CALN1: variants seen among roughly 807,000 people sequenced by gnomAD.
CALN1 encodes calcium-binding protein 8.
A neutral mutation model predicts 30.6 loss-of-function variants in CALN1; 17 were observed. The observed-to-expected ratio is 0.56, with a 90% CI of 0.38 to 0.83. The LOEUF is 0.83. Ranked by LOEUF, CALN1 falls within the 40% of genes least tolerant of loss-of-function variation. CALN1 has a pLI of 0.00. For missense variants in CALN1, 291 were observed against 354.9 expected (o/e 0.82, Z 1.45); for synonymous variants, 156 against 131.4 (o/e 1.19, Z -1.28).
At chr7:72,282,650 T>A (rs929995654) in intron 2 of CALN1, among the ~76,000 whole-genome samples, 1 of 152,216 alleles carries the variant, frequency 6.6e-6, no homozygotes. Context: ...GGTGTCTCGA[T>A]CTTGGACTTC....
chr7:71,882,868 G>C (rs984368819), intron 5 of CALN1, among the ~76,000 whole-genome samples: 4 of 150,546 alleles, frequency 2.7e-5, no homozygotes, highest in African/African-American at 9.7e-5. Flanking sequence ...GTGTGTGTGT[G>C]TGTGTGTGTG....
At chr7:71,837,317 A>G (rs1002549736) in intron 5 of CALN1, among the ~76,000 whole-genome samples, 1 of 151,786 alleles carries the variant, frequency 6.6e-6, no homozygotes, top group African/African-American at 2.4e-5. Flanking sequence ...ACCAGGTAAC[A>G]TAATTTAATA....
At chr7:72,211,753 C>T (rs746017739) in intron 3 of CALN1, among the ~76,000 whole-genome samples, 9 of 152,088 alleles carry the variant, frequency 5.9e-5, no homozygotes, top group Admixed American at 3.9e-4. Flanking sequence ...TCTAACTTGC[C>T]GGCAGATGAG....
At chr7:72,496,385 C>A in the CALN1 span, among the ~76,000 whole-genome samples, 11 of 150,860 alleles carry the variant, frequency 7.3e-5, no homozygotes, top group African/African-American at 2.2e-4. Context: ...TCAGAAAAAA[C>A]CATCTGTTGA....
At chr7:72,394,556 A>T (rs1252651660) in intron 2 of CALN1, among the ~76,000 whole-genome samples, 1 of 152,176 alleles carries the variant, frequency 6.6e-6, no homozygotes, top group Non-Finnish European at 1.5e-5. Flanking sequence ...AGTGAAAAAA[A>T]AGTTGCATAG....
chr7:72,368,398 G>A lies in CALN1; in HGVS notation c.119+34853C>T, dbSNP rs180808102. ...ACATAAGATGGCAGGAAGGATGTCGGCAGAAATATTAATATTGGTGCCACA... is the reference window on the plus strand; with the variant it reads ...ACATAAGATGGCAGGAAGGATGTCGACAGAAATATTAATATTGGTGCCACA... On this transcript the variant is annotated intron_variant, in intron 2 of 6. Transcript: ENST00000395275. Among the ~76,000 whole-genome samples, 233 of 151,764 alleles carry A rather than the reference G, an allele frequency of 1.5e-3. 1 individual carries two copies. The highest frequency in any genetic ancestry group is 9.1e-4 in the Non-Finnish European group (62 of 67,970).
intron 2 of CALN1, among the ~76,000 whole-genome samples, chr7:72,348,141 C>T (rs534779443): frequency 1.3e-5 from 2 of 152,228 alleles, no homozygotes; most frequent in East Asian, 1.9e-4. Flanking sequence ...AAGAAACTAA[C>T]GGCAAAAACC....
At chr7:72,375,965 T>C (rs1349127955) in intron 2 of CALN1, among the ~76,000 whole-genome samples, 1 of 152,218 alleles carries the variant, frequency 6.6e-6, no homozygotes, top group Admixed American at 6.5e-5. Context: ...CTTGATGGGT[T>C]TGCCTATTCT....
intron 3 of CALN1, among the ~76,000 whole-genome samples, chr7:72,114,557 T>A (rs1343546186): frequency 6.6e-6 from 1 of 151,982 alleles, no homozygotes; most frequent in Non-Finnish European, 1.5e-5. Flanking sequence ...GCTGGTTTAA[T>A]CCCAGGGAGG....
chr7:72,388,630 T>C lies in CALN1; in HGVS notation c.119+14621A>G, dbSNP rs74331883. On this transcript the variant is annotated intron_variant, in intron 2 of 6. Coordinates refer to ENST00000395275, the MANE Select transcript of CALN1 (RefSeq NM_031468.4). ...TCAAAACCGTTCTAAAAAAAGTTTATTCTTAAAAAATTTATTCTCATATTG... is the reference window on the plus strand; with the variant it reads ...TCAAAACCGTTCTAAAAAAAGTTTACTCTTAAAAAATTTATTCTCATATTG... Among the ~76,000 whole-genome samples, 489 of 152,314 alleles carry C rather than the reference T, an allele frequency of 3.2e-3. 2 individuals carry two copies. Among genetic ancestry groups the C allele is most frequent in the African/African-American group, 0.011 (478 of 41,572 alleles).
intron 3 of CALN1, among the ~76,000 whole-genome samples, chr7:72,142,577 G>C (rs1199669717): frequency 1.3e-5 from 2 of 152,242 alleles, no homozygotes; most frequent in African/African-American, 4.8e-5. Flanking sequence ...AAACGCAGCA[G>C]AAACTTCTGC....
intron 4 of CALN1, among the ~76,000 whole-genome samples, chr7:72,032,246 G>A (rs1488975045): frequency 6.6e-6 from 1 of 150,382 alleles, no homozygotes; most frequent in Non-Finnish European, 1.5e-5. Flanking sequence ...TTTTAGCAGA[G>A]ATGGGGTTTC....
intron 2 of CALN1, among the ~76,000 whole-genome samples, chr7:72,298,071 T>C (rs772374410): frequency 7.9e-5 from 12 of 152,176 alleles, no homozygotes; most frequent in Non-Finnish European, 1.3e-4. Context: ...AAAACATCTA[T>C]TTTCAAAAAT....
chr7:71,895,253 C>T (rs986971301), intron 5 of CALN1, among the ~76,000 whole-genome samples: 11 of 152,132 alleles, frequency 7.2e-5, no homozygotes, highest in African/African-American at 2.7e-4. Context: ...TTGTGCCCGG[C>T]CTTGAATTTC....
At chr7:72,066,458 A>T (rs1804027078) in intron 4 of CALN1, among the ~76,000 whole-genome samples, 1 of 150,786 alleles carries the variant, frequency 6.6e-6, no homozygotes, top group African/African-American at 2.4e-5. Context: ...ATCCAGATTC[A>T]CTCTGTCTAA....
At chr7:72,173,382 T>A (rs1789109576) in intron 3 of CALN1, among the ~76,000 whole-genome samples, 1 of 152,120 alleles carries the variant, frequency 6.6e-6, no homozygotes, top group Non-Finnish European at 1.5e-5. Context: ...AGAGATTAAT[T>A]TCCCCAATTG....
intron 5 of CALN1, among the ~76,000 whole-genome samples, chr7:71,825,743 G>C (rs1013356097): frequency 1.3e-5 from 2 of 152,006 alleles, no homozygotes; most frequent in Non-Finnish European, 2.9e-5. Flanking sequence ...GTTCAAAGCA[G>C]AAAGCAGGGC....
In CALN1 at chr7:72,023,784, T is replaced by C. The variant is rs1256334975; in HGVS notation, c.389-15A>G. The C allele has an allele frequency of 1.9e-6, 3 of 1,604,560 alleles. No homozygotes were observed. Among genetic ancestry groups the C allele is most frequent in the East Asian group, 4.5e-5 (2 of 44,828 alleles). On this transcript the variant is annotated splice_polypyrimidine_tract_variant and intron_variant, in intron 4 of 6. Transcript: ENST00000395275. Reference sequence around the variant, plus strand: ...CTGGCCATCCCCTGCAAGGAGAAGATGTAAATATGAGTTGCAAACAAGCTG... The same window carrying C: ...CTGGCCATCCCCTGCAAGGAGAAGACGTAAATATGAGTTGCAAACAAGCTG...
chr7:72,425,958 CAT>C (rs1807787897), intron 1 of CALN1, among the ~76,000 whole-genome samples: 1 of 152,136 alleles, frequency 6.6e-6, no homozygotes. Flanking sequence ...GAGCCGAAGA[CAT>C]AAGGAACCAC....
Sources: allele counts gnomAD v4.1 joint callset (sites outside exome capture counted in the v4.1 genomes callset), GRCh38; gene constraint gnomAD v4.1.1; transcripts MANE v1.5; gene names NCBI Gene and HGNC (gene_info 2026-07-23, HGNC 2026-07-21).